TRPM4: variants seen among roughly 807,000 people sequenced by gnomAD.
The protein encoded by TRPM4 is calcium-activated non-selective cation channel 1.
A neutral mutation model predicts 135.6 loss-of-function variants in TRPM4; 124 were observed. The observed-to-expected ratio is 0.91, with a 90% CI of 0.79 to 1.06. The LOEUF (loss-of-function observed/expected upper bound fraction) is 1.06. TRPM4 is among the 50% of genes least tolerant of loss of function. The pLI is 0.00. For missense variants in TRPM4, 1,658 were observed against 1,671.4 expected (o/e 0.99, Z 0.14); for synonymous variants, 745 against 705.6 (o/e 1.06, Z -0.88).
At position 49,171,423 on chromosome 19, in the gene TRPM4, AG is replaced by A. The variant is rs762393084; in HGVS notation, c.858+9del. ...GGTGATGAGAAGATGTTGACGGTAT[AG>A]GGGCCCGGATGCCCGGATCTAAGGG... On this transcript the variant is annotated splice_donor_region_variant and intron_variant, in intron 7 of 24. Coordinates refer to ENST00000252826, the MANE Select transcript of TRPM4 (RefSeq NM_017636.4). This position sits in a 1 kb window ranked among gnomAD's most constrained non-coding sequence, Gnocchi z 4.7. 19 of 1,613,882 alleles carry A rather than the reference AG, an allele frequency of 1.2e-5. No individual in the cohort carries two copies. In the East Asian group the frequency reaches 4.0e-4, roughly 34 times the overall value.
intron 9 of TRPM4, among the ~76,000 whole-genome samples, chr19:49,172,804 T>G (rs1391392719): frequency 1.5e-5 from 2 of 135,532 alleles, no homozygotes; most frequent in Non-Finnish European, 3.3e-5. Context: ...ACACATCCAC[T>G]GACAATTCCT....
At chr19:49,195,643 T>G (rs1412182266) in intron 16 of TRPM4, among the ~76,000 whole-genome samples, 1 of 151,762 alleles carries the variant, frequency 6.6e-6, no homozygotes, top group Non-Finnish European at 1.5e-5. Context: ...ATGCTGGGAT[T>G]ACAAGCGTGA....
At chr19:49,163,202 T>TA (rs1967035063) in intron 2 of TRPM4, among the ~76,000 whole-genome samples, 1 of 60,114 alleles carries the variant, frequency 1.7e-5, no homozygotes, top group African/African-American at 4.1e-5. Context: ...ATTATTATTT[T>TA]TTTTTTTTTT....
chr19:49,182,795 G>A lies in TRPM4; in HGVS notation c.1481G>A (p.Gly494Glu). The A allele has an allele frequency of 6.3e-7, 1 of 1,577,632 alleles. No individual in the cohort carries two copies. ...AGTKAPALKGGAAELRPPDVG... is the reference protein window; with the variant it reads ...AGTKAPALKGEAAELRPPDVG... Reference sequence around the variant, plus strand: ...ACCAAAGCCCCAGCCCTAAAAGGGGGAGCTGCGGAGCTCCGGCCCCCTGAC... The same window carrying A: ...ACCAAAGCCCCAGCCCTAAAAGGGGAAGCTGCGGAGCTCCGGCCCCCTGAC... Residue 494 changes from glycine to glutamate, a missense_variant, in exon 11 of 25, where the codon GGA becomes GAA. Physicochemically the swap from Gly to Glu is moderately conservative, Grantham distance 98. Coordinates refer to ENST00000252826, the MANE Select transcript of TRPM4 (RefSeq NM_017636.4).
rs1280227892 is a variant in TRPM4, at chr19:49,157,876, C to A, written c.10C>A (p.Pro4Thr). 1 of 1,534,850 alleles carries A rather than the reference C, an allele frequency of 6.5e-7. No individual in the cohort carries two copies. Among genetic ancestry groups the A allele is most frequent in the South Asian group, 1.2e-5 (1 of 83,974 alleles). MVV[P>T]EKEQSWIPKI... Reference sequence around the variant, plus strand: ...CGGCGGCCGCGGCAGCATGGTGGTGCCGGAGAAGGAGCAGGTGAGCGCCGG... The same window carrying A: ...CGGCGGCCGCGGCAGCATGGTGGTGACGGAGAAGGAGCAGGTGAGCGCCGG... Residue 4 changes from proline to threonine, a missense_variant, in exon 1 of 25, where the codon CCG becomes ACG. Physicochemically the swap from Pro to Thr is conservative, Grantham distance 38. Coordinates refer to ENST00000252826, the MANE Select transcript of TRPM4 (RefSeq NM_017636.4).
Position 49,210,804 on chromosome 19 carries a change from G to A in TRPM4, c.3423G>A (p.Arg1141=). Residue 1141 remains arginine, a synonymous_variant, in exon 22 of 25, where the codon CGG becomes CGA. Transcript: ENST00000252826. This position sits in a 1 kb window ranked among gnomAD's most constrained non-coding sequence, Gnocchi z 4.1. ...TGCTGGCACGCGCTAGGGACAAGCGGGAGAGCGACTCCGAGCGTCTGAAGC... is the reference window on the plus strand; with the variant it reads ...TGCTGGCACGCGCTAGGGACAAGCGAGAGAGCGACTCCGAGCGTCTGAAGC... ...NFLLARARDK[R]ESDSERLKRT... 6.2e-7 allele frequency: 1 copy of A among 1,613,690 alleles called. No individual in the cohort carries two copies. The highest frequency in any genetic ancestry group is 8.5e-7 in the Non-Finnish European group (1 of 1,179,924).
At chr19:49,202,454 C>CT (rs1466066497) in intron 20 of TRPM4, among the ~76,000 whole-genome samples, 1 of 152,084 alleles carries the variant, frequency 6.6e-6, no homozygotes, top group Admixed American at 6.5e-5. Context: ...AGCAATCCTC[C>CT]TGCCTTCGCC....
Position 49,164,618 on chromosome 19 carries a change from A to G in TRPM4, c.93-1423A>G, listed in dbSNP as rs1033435469. ...TCTGGTCTCAAACTCTTGACCTCAGATGATCCACCCGCCTCAGCCTCCCAA... is the reference window on the plus strand; with the variant it reads ...TCTGGTCTCAAACTCTTGACCTCAGGTGATCCACCCGCCTCAGCCTCCCAA... On this transcript the variant is annotated intron_variant, in intron 2 of 24. Coordinates refer to ENST00000252826, the MANE Select transcript of TRPM4 (RefSeq NM_017636.4). Among the ~76,000 whole-genome samples the G allele has an allele frequency of 2.0e-5, 3 of 151,176 alleles. No homozygotes were observed. The South Asian group carries it at 6.2e-4, about 31-fold the overall frequency.
At chr19:49,158,562 C>T in intron 2 of TRPM4, 1 of 422,048 alleles carries the variant, frequency 2.4e-6, no homozygotes, top group South Asian at 3.3e-5. Flanking sequence ...GTGTCTCTGT[C>T]TTTCCCTTTT....
rs1968311887 is a variant in TRPM4 at position 49,189,079 on chromosome 19, G to A, written c.2007G>A (p.Gln669=). 1 of 1,614,070 alleles carries A rather than the reference G, an allele frequency of 6.2e-7. No individual in the cohort carries two copies. The highest frequency in any genetic ancestry group is 8.5e-7 in the Non-Finnish European group (1 of 1,180,046). The change falls in exon 14 of 25, where the codon CAG becomes CAA. Residue 669 remains glutamine (Q), a synonymous_variant. Transcript: ENST00000252826. ...CTGACGCCCGTGCCTTCTTTGCCCAGGATGGGGTACAGGTGAGTATCTGCG... is the reference window on the plus strand; with the variant it reads ...CTGACGCCCGTGCCTTCTTTGCCCAAGATGGGGTACAGGTGAGTATCTGCG... The part of the protein sequence containing the change: ...MQADARAFFA[Q]DGVQSLLTQK...
At chr19:49,182,377 C>G in intron 10 of TRPM4, 1 of 625,624 alleles carries the variant, frequency 1.6e-6, no homozygotes, top group South Asian at 1.8e-5. Flanking sequence ...TCCATCCATC[C>G]ATCCATCCAT....
At chr19:49,208,923 C>T (rs531548279) in intron 20 of TRPM4, among the ~76,000 whole-genome samples, 1 of 148,584 alleles carries the variant, frequency 6.7e-6, no homozygotes, top group South Asian at 2.1e-4. Context: ...TGTGCCACTG[C>T]ACTCCAGCCT....
chr19:49,181,375 TAC>T lies in TRPM4; in HGVS notation c.1178_1179del (p.Tyr393SerfsTer3). ...KACGSSEASAYLDELRLAVAW... is the reference protein window; with the variant it reads ...KACGSSEASAXLDELRLAVAW... Reference sequence around the variant, plus strand: ...CTGTGGGAGCTCGGAGGCCTCAGCCTACCTGGATGAGCTGCGTTTGGCTGTGG... The same window carrying T: ...CTGTGGGAGCTCGGAGGCCTCAGCCTCTGGATGAGCTGCGTTTGGCTGTGG... On this transcript the variant is annotated frameshift_variant, in exon 10 of 25. Coordinates refer to ENST00000252826, the MANE Select transcript of TRPM4 (RefSeq NM_017636.4). LOFTEE classifies it high-confidence loss of function. 6.2e-7 allele frequency: 1 copy of T among 1,613,954 alleles called. No individual in the cohort carries two copies. The highest frequency in any genetic ancestry group is 8.5e-7 in the Non-Finnish European group (1 of 1,179,968).
chr19:49,165,849 A>G (rs1178069976), intron 2 of TRPM4, among the ~76,000 whole-genome samples, 192 bp from the exon 3 acceptor site: 2 of 152,136 alleles, frequency 1.3e-5, no homozygotes, highest in African/African-American at 4.8e-5. Flanking sequence ...CCCGTGGGGA[A>G]AGGGGACCGT....
rs779321551 is a variant in TRPM4 at position 49,190,645 on chromosome 19, C to G, written c.2133-51C>G. ...GTTTGAGTTTTGCTGGAGAATGCCT[C>G]TCCACCTTCTCTTCCCCTCATTTCT... On this transcript the variant is annotated intron_variant, in intron 15 of 24. Coordinates refer to ENST00000252826, the MANE Select transcript of TRPM4 (RefSeq NM_017636.4). The G allele has an allele frequency of 5.7e-6, 9 of 1,582,512 alleles. No individual in the cohort carries two copies. The South Asian group carries it at 1.0e-4, about 18-fold the overall frequency.
At position 49,183,141 on chromosome 19, in the gene TRPM4, C is replaced by A; in HGVS notation, c.1672C>A (p.Pro558Thr). 1 of 1,614,016 alleles carries A rather than the reference C, an allele frequency of 6.2e-7. No homozygotes were observed. Among genetic ancestry groups the A allele is most frequent in the Non-Finnish European group, 8.5e-7 (1 of 1,180,028 alleles). Reference sequence around the variant, plus strand: ...GCTGGATGCTGGCCTCGGGCAGGCCCCCTGGAGCGACCTGCTTCTTTGGGC... The same window carrying A: ...GCTGGATGCTGGCCTCGGGCAGGCCACCTGGAGCGACCTGCTTCTTTGGGC... ...LSLDAGLGQA[P>T]WSDLLLWALL... The change falls in exon 12 of 25, where the codon CCC becomes ACC. Residue 558 changes from proline (P) to threonine (T), a missense_variant. Pro to Thr is a conservative substitution (Grantham distance 38). Transcript: ENST00000252826.
intron 20 of TRPM4, among the ~76,000 whole-genome samples, chr19:49,203,828 A>G (rs1969045014): frequency 6.6e-6 from 1 of 152,176 alleles, no homozygotes; most frequent in Admixed American, 6.6e-5. Context: ...ATTCTATTGT[A>G]CAAATAGACC....
In TRPM4 at chr19:49,200,697, G is replaced by C; in HGVS notation, c.2865G>C (p.Arg955=). 6.2e-7 allele frequency: 1 copy of C among 1,614,092 alleles called. No homozygotes were observed. Among genetic ancestry groups the C allele is most frequent in the Non-Finnish European group, 8.5e-7 (1 of 1,180,020 alleles). The change falls in exon 19 of 25, where the codon CGG becomes CGC. Residue 955 remains arginine, a synonymous_variant. Transcript: ENST00000252826. ...GVATEGLLRP[R]DSDFPSILRR... ...CCACGGAGGGGCTCCTGAGGCCACG[G>C]GACAGTGACTTCCCAAGTATCCTGC...
chr19:49,158,062 G>A, intron 1 of TRPM4, 130 bp from the exon 2 acceptor site: 2 of 1,274,610 alleles, frequency 1.6e-6, no homozygotes, highest in African/African-American at 1.5e-5. Context: ...AGTCTGGAGC[G>A]GGAGGGCGCT....
Sources: allele counts gnomAD v4.1 joint callset (sites outside exome capture counted in the v4.1 genomes callset), GRCh38; gene constraint gnomAD v4.1.1; non-coding constraint Gnocchi (gnomAD v3.1); transcripts MANE v1.5; gene names NCBI Gene and HGNC (gene_info 2026-07-23, HGNC 2026-07-21).